The following SLC12A8 variants were observed in gnomAD, a reference collection of about 807,000 sequenced individuals.
The protein encoded by SLC12A8 is solute carrier family 12 member 8.
SLC12A8 carries 69 observed loss-of-function variants against 75.6 expected under a neutral mutation model. The ratio of observed to expected loss-of-function variants is 0.91; its 90% CI spans 0.75 to 1.11. SLC12A8 has a LOEUF of 1.11. Ranked by LOEUF, SLC12A8 falls within the 50% of genes most tolerant of loss-of-function variation. The probability of loss-of-function intolerance (pLI) is 0.00; values close to 1 mark genes in which losing one functional copy is unlikely to be tolerated. For synonymous variants in SLC12A8, 365 were observed against 372.8 expected (o/e 0.98, Z 0.24); for missense variants, 877 against 896.7 (o/e 0.98, Z 0.28).
At chr3:125,196,816 C>T (rs1285275787) in intron 2 of SLC12A8, among the ~76,000 whole-genome samples, 1 of 152,118 alleles carries the variant, frequency 6.6e-6, no homozygotes, top group African/African-American at 2.4e-5. Flanking sequence ...GTAGTCCTAG[C>T]TACATAGGAG....
At chr3:125,198,228 T>G (rs1935041245) in intron 2 of SLC12A8, among the ~76,000 whole-genome samples, 2 of 145,852 alleles carry the variant, frequency 1.4e-5, no homozygotes, top group South Asian at 4.4e-4. Context: ...CCTGAGGACA[T>G]TCTACAAAAT....
chr3:125,112,935 T>C (rs1293162945), intron 8 of SLC12A8, among the ~76,000 whole-genome samples: 1 of 152,238 alleles, frequency 6.6e-6, no homozygotes, highest in Non-Finnish European at 1.5e-5. Context: ...CAACACATTG[T>C]AGCCACTGCA....
intron 6 of SLC12A8, among the ~76,000 whole-genome samples, chr3:125,127,244 T>A (rs1158771148): frequency 6.6e-6 from 1 of 152,252 alleles, no homozygotes; most frequent in Non-Finnish European, 1.5e-5. Flanking sequence ...AAACCTGTCT[T>A]GCTCTGTTCT....
intron 2 of SLC12A8, among the ~76,000 whole-genome samples, chr3:125,198,188 A>G (rs1398186997): frequency 1.3e-5 from 2 of 152,022 alleles, no homozygotes; most frequent in African/African-American, 2.4e-5. Flanking sequence ...AATTCTGCCT[A>G]TAAAATACAA....
At chr3:125,130,067 T>C (rs781414559) in intron 6 of SLC12A8, among the ~76,000 whole-genome samples, 1 of 152,160 alleles carries the variant, frequency 6.6e-6, no homozygotes, top group African/African-American at 2.4e-5. Context: ...GGAAAGCAGG[T>C]CCCCTAAGAG....
At chr3:125,092,272 GA>G in intron 10 of SLC12A8, 74 bp from the exon 11 acceptor site, 1 of 991,168 alleles carries the variant, frequency 1.0e-6, no homozygotes, top group East Asian at 2.5e-5. Context: ...ATATACCTAT[GA>G]GCTCCTCTTC....
chr3:125,091,393 G>C, intron 12 of SLC12A8, 46 bp downstream of exon 12: 2 of 1,248,320 alleles, frequency 1.6e-6, no homozygotes, highest in Non-Finnish European at 2.4e-6. Context: ...CCAATGAATG[G>C]TAGAGAGAAT....
At chr3:125,170,484 C>T (rs1404073512) in intron 5 of SLC12A8, among the ~76,000 whole-genome samples, 1 of 152,152 alleles carries the variant, frequency 6.6e-6, no homozygotes, top group African/African-American at 2.4e-5. Flanking sequence ...AATGTACTGA[C>T]ATTGAAGGAT....
chr3:125,125,988 T>G (rs1213933306), intron 6 of SLC12A8: 8 of 963,278 alleles, frequency 8.3e-6, no homozygotes, highest in African/African-American at 1.8e-5. Context: ...ATGGCATTTC[T>G]GGGTTTTAAA....
chr3:125,135,792 A>T lies in SLC12A8; in HGVS notation c.623-10T>A, dbSNP rs2981503. ...CCAATGAAACCATGTTCTGAAATAA[A>T]GCAATGGAGAGCAACGTAAGCCCAG... On this transcript the variant is annotated splice_polypyrimidine_tract_variant and intron_variant, in intron 5 of 13. Coordinates refer to ENST00000469902, the MANE Select transcript of SLC12A8 (RefSeq NM_024628.6). 0.34 allele frequency: 522,345 copies of T among 1,542,074 alleles called. 91,196 individuals carry two copies. The highest frequency in any genetic ancestry group is 0.36 in the Non-Finnish European group (410,095 of 1,125,696).
intron 2 of SLC12A8, among the ~76,000 whole-genome samples, chr3:125,201,198 G>A (rs1431250787): frequency 3.3e-5 from 5 of 152,056 alleles, no homozygotes; most frequent in Non-Finnish European, 7.4e-5. Context: ...CAGGCAAGGA[G>A]TTCATCACCA....
chr3:125,102,554 G>A lies in SLC12A8; in HGVS notation c.1705+4927C>T, dbSNP rs535824857. Among the ~76,000 whole-genome samples the A allele has an allele frequency of 1.1e-4, 17 of 152,250 alleles. No individual in the cohort carries two copies. In the South Asian group the frequency reaches 3.5e-3, roughly 32 times the overall value. ...GAGAAATGGGATGCGGGAGAGTCTT[G>A]GAGACTTAGCAAGAGTCCAGGTACA... is the stretch of plus-strand genomic sequence containing the variant. On this transcript the variant is annotated intron_variant, in intron 10 of 13. Coordinates refer to ENST00000469902, the MANE Select transcript of SLC12A8 (RefSeq NM_024628.6).
At chr3:125,168,474 G>T (rs1934339739) in intron 5 of SLC12A8, among the ~76,000 whole-genome samples, 1 of 152,176 alleles carries the variant, frequency 6.6e-6, no homozygotes, top group Non-Finnish European at 1.5e-5. Context: ...AGAAGCAGGG[G>T]AGAGCCACTG....
At chr3:125,175,634 A>T (rs900594776) in intron 5 of SLC12A8, among the ~76,000 whole-genome samples, 1 of 151,992 alleles carries the variant, frequency 6.6e-6, no homozygotes, top group Non-Finnish European at 1.5e-5. Context: ...CTGGAGGGGG[A>T]AGTACAAGGA....
At chr3:125,166,124 C>T (rs1379330274) in intron 5 of SLC12A8, among the ~76,000 whole-genome samples, 1 of 152,130 alleles carries the variant, frequency 6.6e-6, no homozygotes, top group Non-Finnish European at 1.5e-5. Flanking sequence ...TGCTGCGGGG[C>T]GCTTTACCCC....
At chr3:125,176,480 A>C (rs550354822) in intron 5 of SLC12A8, among the ~76,000 whole-genome samples, 4 of 152,338 alleles carry the variant, frequency 2.6e-5, no homozygotes, top group Non-Finnish European at 5.9e-5. Flanking sequence ...CAAATGGGAT[A>C]CAATTAAACT....
intron 13 of SLC12A8, chr3:125,088,058 C>G: frequency 4.1e-6 from 2 of 491,930 alleles, no homozygotes; most frequent in South Asian, 3.3e-5. Flanking sequence ...AATAAAGCCT[C>G]TGTTCTTGAT....
chr3:125,141,205 A>G (rs1933627076), intron 5 of SLC12A8, among the ~76,000 whole-genome samples: 1 of 152,152 alleles, frequency 6.6e-6, no homozygotes, highest in Admixed American at 6.5e-5. Context: ...AACAAATGAC[A>G]ACAAGACCCA....
At chr3:125,090,339 AAT>A (rs1938554911) in intron 12 of SLC12A8, among the ~76,000 whole-genome samples, 1 of 152,190 alleles carries the variant, frequency 6.6e-6, no homozygotes, top group Non-Finnish European at 1.5e-5. Flanking sequence ...TATGTACTAG[AAT>A]ATAGTCTCTC....
Sources: gnomAD v4.1 joint callset for allele counts (sites outside exome capture counted in the v4.1 genomes callset) on GRCh38, gnomAD v4.1.1 for gene constraint, MANE v1.5 for transcripts, NCBI Gene and HGNC (gene_info 2026-07-23, HGNC 2026-07-21) for gene names.